The following ETF1 variants were observed in gnomAD, a reference collection of about 807,000 sequenced individuals.
ETF1 encodes eukaryotic translation termination factor 1.
ETF1 carries 4 observed loss-of-function variants against 55.1 expected under a neutral mutation model. The ratio of observed to expected loss-of-function variants is 0.07; its 90% CI spans 0.04 to 0.17. The LOEUF is 0.17. Among genes scored for constraint, ETF1 ranks in the 10% least tolerant of loss-of-function variants. The probability of loss-of-function intolerance (pLI) is 1.00; values close to 1 mark genes in which losing one functional copy is unlikely to be tolerated. For synonymous variants in ETF1, 157 were observed against 182.3 expected, an observed-to-expected ratio of 0.86 and a Z score of 1.12; for missense variants, 142 against 523.6, an observed-to-expected ratio of 0.27 and a Z score of 7.11.
Position 138,512,959 on chromosome 5 carries a change from G to A in ETF1, c.542-5C>T. On this transcript the variant is annotated splice_polypyrimidine_tract_variant and splice_region_variant and intron_variant, in intron 5 of 10. Coordinates refer to ENST00000360541, the MANE Select transcript of ETF1 (RefSeq NM_004730.4). ...AGGCTGACTGACCTCCTCTACCTTT[G>A]ACACAAAAGTAGCAAGAGAAAAAGG... 6.7e-7 allele frequency: 1 copy of A among 1,500,856 alleles called. No homozygotes were observed. The highest frequency in any genetic ancestry group is 8.8e-7 in the Non-Finnish European group (1 of 1,132,314). The allele number at this position is 1,500,856 out of a possible 1,614,324, so 93.0% of individuals were successfully genotyped here. A position where few individuals can be genotyped will look rare whatever the true frequency, so the allele number is the denominator to read the frequency against.
chr5:138,530,347 C>T lies in ETF1; in HGVS notation c.87-11480G>A, dbSNP rs1266771754. Among the ~76,000 whole-genome samples the T allele has an allele frequency of 2.6e-5, 4 of 151,826 alleles. No homozygotes were observed. In the East Asian group the frequency reaches 7.8e-4, roughly 29 times the overall value. ...AGGCTACAGTGCAGTGGTGTGATCT[C>T]GGCTCACTGCAGCTTCTGCCTGCTG... On this transcript the variant is annotated intron_variant, in intron 2 of 10. Transcript: ENST00000360541.
intron 4 of ETF1, among the ~76,000 whole-genome samples, chr5:138,515,026 C>A (rs1363827808): frequency 6.6e-6 from 1 of 152,204 alleles, no homozygotes; most frequent in Non-Finnish European, 1.5e-5. Flanking sequence ...CAACACCTGG[C>A]CTTACCATTC....
At chr5:138,510,471 T>A in intron 9 of ETF1, 94 bp downstream of exon 9, 3 of 893,418 alleles carry the variant, frequency 3.4e-6, no homozygotes, top group Non-Finnish European at 5.4e-6. Flanking sequence ...AGTATAAGGT[T>A]TGGTTTCCCA....
At chr5:138,527,769 CTTTCT>C (rs749751358) in intron 2 of ETF1, among the ~76,000 whole-genome samples, 51 of 151,768 alleles carry the variant, frequency 3.4e-4, no homozygotes, top group Non-Finnish European at 5.6e-4. Flanking sequence ...GTAGGAAGTT[CTTTCT>C]TTTCTTTTTT....
Position 138,508,144 on chromosome 5 carries a change from G to A in ETF1, c.*161C>T. On this transcript the variant is annotated 3_prime_UTR_variant, in exon 11 of 11. Transcript: ENST00000360541. Reference sequence around the variant, plus strand: ...CAAACCAAAGTGTAGGGCTGGGTCTGGTTTTGTTTCGGTTTTCTTTTCAAT... The same window carrying A: ...CAAACCAAAGTGTAGGGCTGGGTCTAGTTTTGTTTCGGTTTTCTTTTCAAT... The A allele has an allele frequency of 6.7e-6, 6 of 894,394 alleles. No individual in the cohort carries two copies. Among genetic ancestry groups the A allele is most frequent in the Non-Finnish European group, 9.8e-6 (6 of 611,148 alleles). The allele number at this position is 894,394 out of a possible 1,614,324, so 55.4% of individuals were successfully genotyped here. A position where few individuals can be genotyped will look rare whatever the true frequency, so the allele number is the denominator to read the frequency against.
chr5:138,513,519 T>C, intron 5 of ETF1, 49 bp downstream of exon 5: 1 of 1,493,862 alleles, frequency 6.7e-7, no homozygotes, highest in Non-Finnish European at 9.3e-7. Flanking sequence ...TACTGTTTTC[T>C]TATTGCTAGA....
At chr5:138,515,350 G>A (rs1337504666) in intron 4 of ETF1, among the ~76,000 whole-genome samples, 2 of 152,144 alleles carry the variant, frequency 1.3e-5, no homozygotes, top group African/African-American at 2.4e-5. Context: ...ACTTGAATTC[G>A]GGAGGTGGAA....
At chr5:138,529,064 G>C (rs987679774) in intron 2 of ETF1, among the ~76,000 whole-genome samples, 9 of 152,094 alleles carry the variant, frequency 5.9e-5, no homozygotes, top group African/African-American at 2.2e-4. Flanking sequence ...GGGAGGCAGA[G>C]GTTGCAGTGA....
At chr5:138,528,867 C>A (rs181847785) in intron 2 of ETF1, among the ~76,000 whole-genome samples, 128 of 152,086 alleles carry the variant, frequency 8.4e-4, no homozygotes, top group Non-Finnish European at 1.7e-3. Context: ...GCAGACTGGG[C>A]CAGGCATGGT....
intron 2 of ETF1, among the ~76,000 whole-genome samples, chr5:138,520,740 A>C (rs1184191552): frequency 6.6e-6 from 1 of 152,134 alleles, no homozygotes; most frequent in African/African-American, 2.4e-5. Context: ...ATATCACTCA[A>C]GCCCAGGAGT....
chr5:138,516,764 A>G (rs1425903669), intron 4 of ETF1, among the ~76,000 whole-genome samples: 2 of 152,248 alleles, frequency 1.3e-5, no homozygotes, highest in Admixed American at 6.5e-5. Flanking sequence ...AAAGTTAAAC[A>G]TAATTACTAT....
chr5:138,513,228 G>T, intron 5 of ETF1: 1 of 984,282 alleles, frequency 1.0e-6, no homozygotes, highest in Non-Finnish European at 1.2e-6. Context: ...ACATCATACT[G>T]TTTTCTCTCT....
intron 4 of ETF1, 54 bp downstream of exon 4, chr5:138,517,507 G>T: frequency 1.7e-6 from 2 of 1,153,844 alleles, no homozygotes; most frequent in Admixed American, 2.0e-5. Flanking sequence ...ACTGCTAATG[G>T]GTACGGGGAA....
At chr5:138,539,269 C>T (rs1766076756) in intron 2 of ETF1, among the ~76,000 whole-genome samples, 1 of 152,164 alleles carries the variant, frequency 6.6e-6, no homozygotes, top group South Asian at 2.1e-4. Flanking sequence ...ATTAACATTA[C>T]CTTAAAACTA....
At chr5:138,534,207 G>A (rs466483) in intron 2 of ETF1, among the ~76,000 whole-genome samples, 143,868 of 152,274 alleles carry the variant, frequency 0.94, 68,029 homozygotes, top group East Asian at 0.99. Context: ...TTAGCTTTCT[G>A]TCCCCCAGAG....
rs550601603 is a variant in ETF1, at chr5:138,537,680, C to T, written c.86+5153G>A. ...TCGGCTCACTGCAAGCTCCGCCTCC[C>T]GGGTTCAAGCCATTCTCCTGCCTCA... On this transcript the variant is annotated intron_variant, in intron 2 of 10. Transcript: ENST00000360541. 3.3e-5 allele frequency among the ~76,000 whole-genome samples: 5 copies of T among 151,398 alleles called. No homozygotes were observed. In the South Asian group the frequency reaches 8.4e-4, roughly 25 times the overall value.
intron 2 of ETF1, among the ~76,000 whole-genome samples, chr5:138,520,946 A>AT (rs561700000): frequency 1.2e-4 from 18 of 151,726 alleles, no homozygotes; most frequent in African/African-American, 3.6e-4. Context: ...AAAAAAAAAA[A>AT]TTTTTTTTTA....
intron 2 of ETF1, among the ~76,000 whole-genome samples, chr5:138,523,420 G>A (rs987219582): frequency 1.3e-5 from 2 of 152,156 alleles, no homozygotes; most frequent in Non-Finnish European, 2.9e-5. Context: ...TGTAGTCCCA[G>A]CTACTGGGGA....
intron 6 of ETF1, 160 bp from the exon 7 acceptor site, chr5:138,511,764 C>T: frequency 2.0e-6 from 2 of 984,770 alleles, no homozygotes; most frequent in Non-Finnish European, 2.4e-6. Flanking sequence ...TAATCAAAAG[C>T]TGCTCTTAAA....
Sources: allele counts gnomAD v4.1 joint callset (sites outside exome capture counted in the v4.1 genomes callset), GRCh38; gene constraint gnomAD v4.1.1; transcripts MANE v1.5; gene names NCBI Gene and HGNC (gene_info 2026-07-23, HGNC 2026-07-21).